DAAM2: variants seen among roughly 807,000 people sequenced by gnomAD.
DAAM2 encodes dishevelled associated activator of morphogenesis 2.
A neutral mutation model predicts 120.7 loss-of-function variants in DAAM2; 39 were observed. The observed-to-expected ratio is 0.32, with a 90% confidence interval of 0.25 to 0.42. DAAM2 has a LOEUF of 0.42. Among genes scored for constraint, DAAM2 ranks in the 10% least tolerant of loss-of-function variants. The pLI is 1.00. For synonymous variants in DAAM2, 488 were observed against 524.9 expected, an observed-to-expected ratio of 0.93 and a Z score of 0.96; for missense variants, 1,283 against 1,401.7, an observed-to-expected ratio of 0.92 and a Z score of 1.35.
chr6:39,897,801 G>T (rs1431989367), intron 21 of DAAM2, among the ~76,000 whole-genome samples: 2 of 152,114 alleles, frequency 1.3e-5, no homozygotes, highest in East Asian at 1.9e-4. Flanking sequence ...ATCAAAATGC[G>T]CATGCTTTCC....
intron 2 of DAAM2, among the ~76,000 whole-genome samples, chr6:39,858,177 C>T (rs1320819123): frequency 5.9e-5 from 9 of 152,102 alleles, no homozygotes; most frequent in Admixed American, 5.9e-4. Context: ...ACCAGAAGAA[C>T]TAAAGTTTTT....
At chr6:39,889,796 A>C (rs985795324) in intron 17 of DAAM2, among the ~76,000 whole-genome samples, 6 of 152,214 alleles carry the variant, frequency 3.9e-5, no homozygotes, top group Middle Eastern at 3.2e-3. Flanking sequence ...TTTTTATAAC[A>C]CAGTAAGCTA....
At chr6:39,855,669 C>T (rs934484777) in intron 1 of DAAM2, among the ~76,000 whole-genome samples, 2 of 152,134 alleles carry the variant, frequency 1.3e-5, no homozygotes, top group African/African-American at 4.8e-5. Flanking sequence ...AAACTGAGCA[C>T]AAAACTGTAC....
chr6:39,865,358 G>T (rs894825286), intron 5 of DAAM2, among the ~76,000 whole-genome samples: 4 of 152,216 alleles, frequency 2.6e-5, no homozygotes, highest in Non-Finnish European at 4.4e-5. Flanking sequence ...TTTATTTTTG[G>T]TAAGGGGATA....
chr6:39,829,291 T>A (rs1034326099), intron 1 of DAAM2, among the ~76,000 whole-genome samples: 1 of 152,238 alleles, frequency 6.6e-6, no homozygotes, highest in African/African-American at 2.4e-5. Flanking sequence ...AAGCACAGAA[T>A]GATCCTGTTT....
chr6:39,875,596 T>G, intron 11 of DAAM2, 128 bp downstream of exon 11: 1 of 1,153,832 alleles, frequency 8.7e-7, no homozygotes, highest in Non-Finnish European at 1.2e-6. Flanking sequence ...TTGGGCAGCA[T>G]GGTCCAACAG....
intron 5 of DAAM2, among the ~76,000 whole-genome samples, chr6:39,866,747 T>C (rs962366586): frequency 2.6e-5 from 4 of 152,250 alleles, no homozygotes; most frequent in African/African-American, 9.6e-5. Flanking sequence ...TTTGAAGTAC[T>C]GAGGAGTGTA....
chr6:39,818,194 A>AAC (rs1452166363), intron 1 of DAAM2, among the ~76,000 whole-genome samples: 8 of 146,334 alleles, frequency 5.5e-5, no homozygotes, highest in Non-Finnish European at 8.9e-5. Context: ...AAAAAAAAAA[A>AAC]AAAAAAAAAA....
chr6:39,868,185 A>T (rs1307566554), intron 6 of DAAM2: 1 of 318,632 alleles, frequency 3.1e-6, no homozygotes, highest in Non-Finnish European at 5.9e-6. Context: ...CTCAGTCAAG[A>T]ATTACTGAAT....
At position 39,902,033 on chromosome 6, in the gene DAAM2, A is replaced by T. The variant is rs1478215603; in HGVS notation, c.3203A>T (p.Tyr1068Phe). 1 of 1,603,100 alleles carries T rather than the reference A, an allele frequency of 6.2e-7. No individual in the cohort carries two copies. Among genetic ancestry groups the T allele is most frequent in the South Asian group, 1.1e-5 (1 of 89,818 alleles). The change falls in exon 25 of 25, where the codon TAT becomes TTT. Residue 1068 changes from tyrosine to phenylalanine, a missense_variant. Physicochemically the swap from Tyr to Phe is conservative, Grantham distance 22. Transcript: ENST00000274867. ...TRERAINRLN[Y>F] The stretch of plus-strand genomic sequence containing the variant: ...GAGCGGGCAATAAACCGGCTAAATT[A>T]TTGACCTGGGGAACTAGCCACACAG...
In DAAM2 at chr6:39,904,729, G is replaced by A. The variant is rs766403739; in HGVS notation, c.*2692G>A. 2.7e-4 allele frequency: 121 copies of A among 453,988 alleles called. 2 individuals are homozygous for A. The highest frequency in any genetic ancestry group is 1.3e-3 in the South Asian group (84 of 64,476). The allele number at this position is 453,988 out of a possible 1,614,324, so 28.1% of individuals were successfully genotyped here. A position where few individuals can be genotyped will look rare whatever the true frequency, so the allele number is the denominator to read the frequency against. Reference sequence around the variant, plus strand: ...CGACTTCTACCAGGGATGCCTTCACGCCAAGGCTGTTCTCACCAGCTGCCT... The same window carrying A: ...CGACTTCTACCAGGGATGCCTTCACACCAAGGCTGTTCTCACCAGCTGCCT... On this transcript the variant is annotated 3_prime_UTR_variant, in exon 25 of 25. Transcript: ENST00000274867.
intron 1 of DAAM2, among the ~76,000 whole-genome samples, chr6:39,793,673 C>T (rs766783282): frequency 6.6e-6 from 1 of 152,068 alleles, no homozygotes; most frequent in Admixed American, 6.5e-5. Context: ...CCAGCTGAAG[C>T]GGGGGATGGA....
At position 39,904,009 on chromosome 6, in the gene DAAM2, G is replaced by C. The variant is rs746826804; in HGVS notation, c.*1972G>C. On this transcript the variant is annotated 3_prime_UTR_variant, in exon 25 of 25. Coordinates refer to ENST00000274867, the MANE Select transcript of DAAM2 (RefSeq NM_001201427.2). ...GTGTTGGGGAAGATGGGAGGTTGTGGGTGAGGCCTCTAAAGGTCCTCTCCC... is the reference window on the plus strand; with the variant it reads ...GTGTTGGGGAAGATGGGAGGTTGTGCGTGAGGCCTCTAAAGGTCCTCTCCC... The C allele has an allele frequency of 2.3e-4, 83 of 358,116 alleles. No individual in the cohort carries two copies. The highest frequency in any genetic ancestry group is 3.9e-4 in the Non-Finnish European group (72 of 183,104). 22.2% of individuals were successfully genotyped at this position (358,116 alleles called of 1,614,324 possible). A position where few individuals can be genotyped will look rare whatever the true frequency, so the allele number is the denominator to read the frequency against.
In DAAM2 at chr6:39,878,333, C is replaced by G. The variant is rs144881036; in HGVS notation, c.1361-71C>G. On this transcript the variant is annotated intron_variant, in intron 12 of 24. Transcript: ENST00000274867. This position sits in a 1 kb window ranked among gnomAD's most constrained non-coding sequence, Gnocchi z 5.0. ...CCTGCCCAGCCCATAACTCCATGCC[C>G]TTCCAGGCAGGGAGTCACATTACTC... The G allele has an allele frequency of 7.2e-4, 1,153 of 1,608,708 alleles. 10 individuals are homozygous for G. In the African/African-American group the frequency reaches 0.014, roughly 19 times the overall value.
Position 39,792,399 on chromosome 6 carries a change from G to A in DAAM2, c.-123G>A, listed in dbSNP as rs192586446. On this transcript the variant is annotated 5_prime_UTR_variant, in exon 1 of 25. Transcript: ENST00000274867. ...GGGATAGCGCGGAGCACGCAGCAGC[G>A]AGCGGAGCGCGGGCGGCGGCGCCGT... The A allele has an allele frequency of 1.3e-5, 2 of 152,198 alleles. No individual in the cohort carries two copies. Among genetic ancestry groups the A allele is most frequent in the African/African-American group, 4.8e-5 (2 of 41,440 alleles). The allele number at this position is 152,198 out of a possible 1,614,324, so 9.4% of individuals were successfully genotyped here.
At position 39,902,962 on chromosome 6, in the gene DAAM2, G is replaced by T. The variant is rs566907360; in HGVS notation, c.*925G>T. On this transcript the variant is annotated 3_prime_UTR_variant, in exon 25 of 25. Transcript: ENST00000274867. ...AAATGTTGCCTTGGAGTCCCCTACA[G>T]CCCCTCAGCAGAGGGCAGCACTTGA... 1 of 152,398 alleles carries T rather than the reference G, an allele frequency of 6.6e-6. No homozygotes were observed. The highest frequency in any genetic ancestry group is 2.1e-4 in the South Asian group (1 of 4,824). The allele number at this position is 152,398 out of a possible 1,614,324, so 9.4% of individuals were successfully genotyped here.
intron 1 of DAAM2, among the ~76,000 whole-genome samples, chr6:39,836,909 A>G (rs1221889847): frequency 6.6e-6 from 1 of 152,206 alleles, no homozygotes; most frequent in East Asian, 1.9e-4. Context: ...TTCTAGAGGC[A>G]CTGCCCTGGT....
At chr6:39,891,468 G>A (rs1228190076) in intron 18 of DAAM2, 21 bp downstream of exon 18, 2 of 1,588,464 alleles carry the variant, frequency 1.3e-6, no homozygotes, top group African/African-American at 1.3e-5. Flanking sequence ...GGGCATGGTG[G>A]GGATTCAAGC....
Position 39,856,269 on chromosome 6 carries a change from T to A in DAAM2, c.-34T>A, listed in dbSNP as rs1205506433. 4 of 1,444,464 alleles carry A rather than the reference T, an allele frequency of 2.8e-6. No individual in the cohort carries two copies. Among genetic ancestry groups the A allele is most frequent in the South Asian group, 1.5e-5 (1 of 66,792 alleles). 89.5% of individuals were successfully genotyped at this position (1,444,464 alleles called of 1,614,324 possible). Reference sequence around the variant, plus strand: ...CAGATCACAATGAGGACCTAGGGCATCTGTCTGCTGACGCCCCCTGGCCTG... The same window carrying A: ...CAGATCACAATGAGGACCTAGGGCAACTGTCTGCTGACGCCCCCTGGCCTG... On this transcript the variant is annotated 5_prime_UTR_variant, in exon 2 of 25. Coordinates refer to ENST00000274867, the MANE Select transcript of DAAM2 (RefSeq NM_001201427.2).
Sources: gnomAD v4.1 joint callset for allele counts (sites outside exome capture counted in the v4.1 genomes callset) on GRCh38, gnomAD v4.1.1 for gene constraint, Gnocchi (gnomAD v3.1) non-coding constraint, MANE v1.5 for transcripts, NCBI Gene and HGNC (gene_info 2026-07-23, HGNC 2026-07-21) for gene names.